The following ARHGAP24 variants were observed in gnomAD, a reference collection of about 807,000 sequenced individuals.
The protein encoded by ARHGAP24 is rho GTPase-activating protein 24.
ARHGAP24 carries 50 observed loss-of-function variants against 76.4 expected under a neutral mutation model. The observed-to-expected ratio is 0.65, with a 90% CI of 0.52 to 0.83. The LOEUF is 0.83. ARHGAP24 is among the 40% of genes least tolerant of loss of function. ARHGAP24 has a pLI of 0.00. For missense variants in ARHGAP24, 930 were observed against 914.2 expected, an observed-to-expected ratio of 1.02 and a Z score of -0.22; for synonymous variants, 345 against 323.3, an observed-to-expected ratio of 1.07 and a Z score of -0.72.
At chr4:85,989,064 T>C (rs755613395) in intron 8 of ARHGAP24, among the ~76,000 whole-genome samples, 1 of 150,492 alleles carries the variant, frequency 6.6e-6, no homozygotes, top group Non-Finnish European at 1.5e-5. Context: ...ATCAAGAAAA[T>C]AGAGAGAGAA....
chr4:85,895,001 C>CAAAAAAAAAAAAAAAAA (rs1222078793), intron 3 of ARHGAP24, among the ~76,000 whole-genome samples: 5 of 54,342 alleles, frequency 9.2e-5, no homozygotes, highest in African/African-American at 1.7e-4. Flanking sequence ...AAACAAAAAG[C>CAAAAAAAAAAAAAAAAA]AAAAAAAAAA....
intron 2 of ARHGAP24, among the ~76,000 whole-genome samples, chr4:85,619,298 C>T (rs1036331880): frequency 7.2e-5 from 11 of 151,792 alleles, no homozygotes; most frequent in Non-Finnish European, 1.5e-4. Context: ...TATTTCTGGG[C>T]TCCCTATTTT....
rs6823010 is a variant in ARHGAP24, at chr4:85,745,827, C to T, written c.268+23855C>T. Among the ~76,000 whole-genome samples the T allele has an allele frequency of 4.9e-3, 753 of 152,228 alleles. 6 individuals are homozygous for T. Among genetic ancestry groups the T allele is most frequent in the African/African-American group, 0.017 (702 of 41,532 alleles). On this transcript the variant is annotated intron_variant, in intron 3 of 9. Coordinates refer to ENST00000395184, the MANE Select transcript of ARHGAP24 (RefSeq NM_001025616.3). Reference sequence around the variant, plus strand: ...TTTGTTGGAGGGAAAATTTCTATTACGTGGCAAGAATCTATAAGTTTCCAA... The same window carrying T: ...TTTGTTGGAGGGAAAATTTCTATTATGTGGCAAGAATCTATAAGTTTCCAA...
At chr4:85,508,483 A>C (rs1317610380) in intron 1 of ARHGAP24, among the ~76,000 whole-genome samples, 2 of 152,198 alleles carry the variant, frequency 1.3e-5, no homozygotes, top group Non-Finnish European at 2.9e-5. Context: ...CTGATGCCTA[A>C]GCATTTGACC....
chr4:85,956,004 T>C (rs1222445728), intron 5 of ARHGAP24, among the ~76,000 whole-genome samples: 1 of 152,194 alleles, frequency 6.6e-6, no homozygotes, highest in African/African-American at 2.4e-5. Flanking sequence ...TGTACAGTTA[T>C]AGAGCCTCAA....
At chr4:85,515,988 C>A (rs1293359959) in intron 1 of ARHGAP24, among the ~76,000 whole-genome samples, 3 of 152,114 alleles carry the variant, frequency 2.0e-5, no homozygotes, top group Admixed American at 2.0e-4. Flanking sequence ...ACAGCAGGAC[C>A]TGGAATAACA....
At chr4:85,649,011 ATGTGTG>A (rs3028048) in intron 2 of ARHGAP24, among the ~76,000 whole-genome samples, 76,641 of 147,934 alleles carry the variant, frequency 0.52, 21,087 homozygotes, top group Non-Finnish European at 0.63. Flanking sequence ...ATTTGTAAAT[ATGTGTG>A]TGTGTGTGTG....
chr4:85,997,364 T>TAGAGA, intron 9 of ARHGAP24, among the ~76,000 whole-genome samples: 1 of 122,586 alleles, frequency 8.2e-6, no homozygotes, highest in African/African-American at 4.9e-5. Flanking sequence ...AATAGATAGA[T>TAGAGA]GATAGATATA....
intron 3 of ARHGAP24, among the ~76,000 whole-genome samples, chr4:85,901,327 T>C (rs6820175): frequency 0.3 from 45,463 of 152,002 alleles, 6,947 homozygotes; most frequent in South Asian, 0.43. Context: ...AAAGTTATGG[T>C]GATTTGTTTC....
At position 85,716,020 on chromosome 4, in the gene ARHGAP24, A is replaced by G. The variant is rs77173691; in HGVS notation, c.181-5865A>G. On this transcript the variant is annotated intron_variant, in intron 2 of 9. Coordinates refer to ENST00000395184, the MANE Select transcript of ARHGAP24 (RefSeq NM_001025616.3). ...GAACCTCTGTCTAATCTCATTAAAAATGGACATATATTGTCAAGCTGAGAT... is the reference window on the plus strand; with the variant it reads ...GAACCTCTGTCTAATCTCATTAAAAGTGGACATATATTGTCAAGCTGAGAT... Among the ~76,000 whole-genome samples the G allele has an allele frequency of 8.2e-3, 1,254 of 152,228 alleles. 14 individuals are homozygous for G. Among genetic ancestry groups the G allele is most frequent in the African/African-American group, 0.028 (1,164 of 41,574 alleles).
At chr4:85,845,241 C>A (rs1730816381) in intron 3 of ARHGAP24, among the ~76,000 whole-genome samples, 1 of 152,106 alleles carries the variant, frequency 6.6e-6, no homozygotes, top group South Asian at 2.1e-4. Flanking sequence ...TTTTACCCAA[C>A]CTGTGTAAAA....
rs116324481 is a variant in ARHGAP24, at chr4:85,951,734, T to C, written c.599+9461T>C. On this transcript the variant is annotated intron_variant, in intron 5 of 9. Transcript: ENST00000395184. ...TCCCTGTTGATTCTAATAATGCTTA[T>C]TTCTCACCAAAGAGTCAATAAGATT... Among the ~76,000 whole-genome samples the C allele has an allele frequency of 3.8e-3, 573 of 152,290 alleles. 4 individuals are homozygous for C. Among genetic ancestry groups the C allele is most frequent in the African/African-American group, 0.013 (541 of 41,552 alleles).
chr4:85,823,164 T>C (rs201859156), intron 3 of ARHGAP24, among the ~76,000 whole-genome samples: 1 of 152,314 alleles, frequency 6.6e-6, no homozygotes, highest in East Asian at 1.9e-4. Context: ...TAGAAAATGC[T>C]AAAAGATCAG....
At chr4:85,999,744 G>C (rs552220861) in intron 9 of ARHGAP24, 7 of 152,070 alleles carry the variant, frequency 4.6e-5, no homozygotes, top group Non-Finnish European at 8.8e-5. Context: ...ACGTTACTGC[G>C]AATTCTACAA....
intron 4 of ARHGAP24, among the ~76,000 whole-genome samples, chr4:85,925,704 T>C (rs1464799234): frequency 6.6e-6 from 1 of 152,190 alleles, no homozygotes; most frequent in Non-Finnish European, 1.5e-5. Context: ...ACGAAAAATA[T>C]AGTATATAAA....
At chr4:85,539,424 GT>G (rs781057853) in intron 1 of ARHGAP24, among the ~76,000 whole-genome samples, 45 of 152,050 alleles carry the variant, frequency 3.0e-4, no homozygotes, top group Non-Finnish European at 5.3e-4. Flanking sequence ...ACATTTTAAT[GT>G]GAGTTAAGAG....
chr4:85,603,148 G>A (rs527295587), intron 2 of ARHGAP24, among the ~76,000 whole-genome samples: 1 of 152,110 alleles, frequency 6.6e-6, no homozygotes, highest in African/African-American at 2.4e-5. Flanking sequence ...AGAAACTAAG[G>A]TTAGATTTTT....
At chr4:85,882,123 T>C (rs959334884) in intron 3 of ARHGAP24, among the ~76,000 whole-genome samples, 1 of 151,464 alleles carries the variant, frequency 6.6e-6, no homozygotes, top group Non-Finnish European at 1.5e-5. Flanking sequence ...TCTTACTAGA[T>C]TGTCTTTCCA....
At chr4:85,839,088 AAC>A (rs750871922) in intron 3 of ARHGAP24, among the ~76,000 whole-genome samples, 2 of 152,304 alleles carry the variant, frequency 1.3e-5, no homozygotes, top group Non-Finnish European at 2.9e-5. Flanking sequence ...GGGAAGGGGA[AAC>A]ACAACAATTA....
Sources: gnomAD v4.1 joint callset for allele counts (sites outside exome capture counted in the v4.1 genomes callset) on GRCh38, gnomAD v4.1.1 for gene constraint, MANE v1.5 for transcripts, NCBI Gene and HGNC (gene_info 2026-07-23, HGNC 2026-07-21) for gene names.